Variants in ENTHD1 observed in about 807,000 individuals in gnomAD.
The protein encoded by ENTHD1 is ENTH domain-containing protein 1.
ENTHD1 carries 23 observed loss-of-function variants against 39.1 expected under a neutral mutation model. That is an observed-to-expected ratio of 0.59 (90% CI 0.42 to 0.83). The LOEUF is 0.83. Ranked by LOEUF, ENTHD1 falls within the 40% of genes least tolerant of loss-of-function variation. The pLI is 0.00. For missense variants in ENTHD1, 624 were observed against 705.4 expected, an observed-to-expected ratio of 0.88 and a Z score of 1.31; for synonymous variants, 230 against 258.2, an observed-to-expected ratio of 0.89 and a Z score of 1.05.
rs138422248 is a variant in ENTHD1, at chr22:39,778,367, A to G, written c.833-12758T>C. ...TATTTGAGATCAAGAGAACTGGTAT[A>G]CTATGTAAATATGACAGTGATATGA... On this transcript the variant is annotated intron_variant, in intron 5 of 6. Transcript: ENST00000325157. Among the ~76,000 whole-genome samples the G allele has an allele frequency of 1.1e-3, 175 of 152,316 alleles. 2 individuals are homozygous for G. In the South Asian group the frequency reaches 0.023, roughly 20 times the overall value.
chr22:39,882,661 G>A (rs762829680), intron 2 of ENTHD1, among the ~76,000 whole-genome samples: 1 of 152,100 alleles, frequency 6.6e-6, no homozygotes, highest in Non-Finnish European at 1.5e-5. Context: ...TTAAGTATGA[G>A]TGAAATTATG....
At chr22:39,751,514 GT>G (rs926319074) in intron 6 of ENTHD1, among the ~76,000 whole-genome samples, 1 of 152,148 alleles carries the variant, frequency 6.6e-6, no homozygotes, top group Non-Finnish European at 1.5e-5. Context: ...ATGTACAGAT[GT>G]TTTTTTCTTG....
chr22:39,831,823 T>C (rs986575501), intron 4 of ENTHD1, among the ~76,000 whole-genome samples: 1 of 151,894 alleles, frequency 6.6e-6, no homozygotes, highest in Non-Finnish European at 1.5e-5. Context: ...CAAAATTCTG[T>C]CTCAAAAAAC....
intron 4 of ENTHD1, among the ~76,000 whole-genome samples, chr22:39,834,126 A>C (rs1211737633): frequency 6.6e-6 from 1 of 152,140 alleles, no homozygotes; most frequent in African/African-American, 2.4e-5. Flanking sequence ...ATTTTCAAAA[A>C]CTGAAAAATT....
At chr22:39,866,222 G>C (rs1030109580) in intron 2 of ENTHD1, among the ~76,000 whole-genome samples, 2 of 152,162 alleles carry the variant, frequency 1.3e-5, no homozygotes, top group Non-Finnish European at 2.9e-5. Context: ...AACAAAAAAA[G>C]GACAAGGAAA....
At chr22:39,794,553 C>T (rs955358336) in intron 5 of ENTHD1, among the ~76,000 whole-genome samples, 10 of 151,822 alleles carry the variant, frequency 6.6e-5, no homozygotes, top group Non-Finnish European at 8.8e-5. Context: ...CTGTAATCCC[C>T]GCACTTTGGG....
intron 3 of ENTHD1, among the ~76,000 whole-genome samples, chr22:39,856,227 T>C (rs2066084528): frequency 1.3e-5 from 2 of 149,394 alleles, no homozygotes; most frequent in South Asian, 2.1e-4. Context: ...TGAGCCAAGA[T>C]TGCACCATTG....
chr22:39,887,372 A>G, intron 2 of ENTHD1, 28 bp downstream of exon 2: 2 of 1,561,146 alleles, frequency 1.3e-6, no homozygotes, highest in Non-Finnish European at 1.7e-6. Context: ...CACCACACCC[A>G]GCTTATATAA....
chr22:39,820,423 GA>G (rs1199518037), intron 5 of ENTHD1, among the ~76,000 whole-genome samples: 1 of 152,194 alleles, frequency 6.6e-6, no homozygotes, highest in Non-Finnish European at 1.5e-5. Context: ...TCAAGAGGAA[GA>G]ATGCATTGAA....
chr22:39,876,154 T>C, intron 2 of ENTHD1: 5 of 1,535,922 alleles, frequency 3.3e-6, no homozygotes, highest in African/African-American at 1.4e-5. Context: ...TCAGTCTTTA[T>C]GTCACCTCAG....
At chr22:39,760,443 T>C (rs965324820) in intron 6 of ENTHD1, among the ~76,000 whole-genome samples, 1 of 152,160 alleles carries the variant, frequency 6.6e-6, no homozygotes, top group Admixed American at 6.5e-5. Flanking sequence ...ATATAGCTAC[T>C]CCCACTTTAT....
intron 3 of ENTHD1, among the ~76,000 whole-genome samples, chr22:39,859,077 TATG>T (rs2066118814): frequency 6.6e-6 from 1 of 152,232 alleles, no homozygotes; most frequent in African/African-American, 2.4e-5. Flanking sequence ...ACTTGTGTGT[TATG>T]GTGACAGTTG....
Position 39,854,192 on chromosome 22 carries a change from GCAAACTCCACACAGAC to G in ENTHD1, c.592+7557_592+7572del, listed in dbSNP as rs1409976048. On this transcript the variant is annotated intron_variant, in intron 3 of 6. Coordinates refer to ENST00000325157, the MANE Select transcript of ENTHD1 (RefSeq NM_152512.4). ...GCCCAGGCAGACAGGGGGAGAGTGTGCAAACTCCACACAGACAGGGACCTCAGCCGGGAATTGATGT... is the reference window on the plus strand; with the variant it reads ...GCCCAGGCAGACAGGGGGAGAGTGTGAGGGACCTCAGCCGGGAATTGATGT... Among the ~76,000 whole-genome samples the G allele has an allele frequency of 3.3e-5, 5 of 152,264 alleles. No individual in the cohort carries two copies. In the East Asian group the frequency reaches 7.7e-4, roughly 24 times the overall value.
At chr22:39,768,845 G>A (rs115282169) in intron 5 of ENTHD1, among the ~76,000 whole-genome samples, 251 of 152,098 alleles carry the variant, frequency 1.7e-3, no homozygotes, top group African/African-American at 5.6e-3. Flanking sequence ...CCCACTGTTT[G>A]TACTGAACTG....
chr22:39,826,566 T>G (rs1393416806), intron 4 of ENTHD1, among the ~76,000 whole-genome samples: 1 of 152,192 alleles, frequency 6.6e-6, no homozygotes, highest in Non-Finnish European at 1.5e-5. Flanking sequence ...AAAAAAATGT[T>G]TACATTATAA....
intron 5 of ENTHD1, among the ~76,000 whole-genome samples, chr22:39,797,819 G>A (rs1375196989): frequency 6.6e-6 from 1 of 152,124 alleles, no homozygotes; most frequent in African/African-American, 2.4e-5. Context: ...GGTCTGACAG[G>A]AGTACCCTCA....
intron 5 of ENTHD1, among the ~76,000 whole-genome samples, chr22:39,781,972 A>T (rs888698521): frequency 3.3e-5 from 5 of 152,088 alleles, no homozygotes; most frequent in Admixed American, 2.6e-4. Context: ...AGAAACAGAA[A>T]ATCTCAATAA....
chr22:39,764,661 C>T (rs2065260570), intron 6 of ENTHD1, among the ~76,000 whole-genome samples: 1 of 151,566 alleles, frequency 6.6e-6, no homozygotes, highest in South Asian at 2.1e-4. Flanking sequence ...CCTGAAATCT[C>T]AACTGGCTTT....
chr22:39,772,470 G>A (rs890122640), intron 5 of ENTHD1, among the ~76,000 whole-genome samples: 10 of 152,256 alleles, frequency 6.6e-5, no homozygotes, highest in African/African-American at 2.2e-4. Flanking sequence ...TAAATAGACC[G>A]TGAATACCTA....
Sources: allele counts gnomAD v4.1 joint callset (sites outside exome capture counted in the v4.1 genomes callset), GRCh38; gene constraint gnomAD v4.1.1; transcripts MANE v1.5; gene names NCBI Gene and HGNC (gene_info 2026-07-23, HGNC 2026-07-21).